Variants in NIPBL observed in about 807,000 individuals in gnomAD.
NIPBL encodes NIPBL cohesin loading factor, also known as nipped-B-like protein.
A neutral mutation model predicts 321.8 loss-of-function variants in NIPBL; 19 were observed. The observed-to-expected ratio is 0.06, with a 90% CI of 0.04 to 0.09. The LOEUF (loss-of-function observed/expected upper bound fraction) is 0.09, where lower values mean the gene tolerates loss of function less well. Ranked by LOEUF, NIPBL falls within the 10% of genes least tolerant of loss-of-function variation. The pLI is 1.00. For missense variants in NIPBL, 2,210 were observed against 3,327.0 expected, an observed-to-expected ratio of 0.66 and a Z score of 8.26; for synonymous variants, 1,106 against 1,114.1, an observed-to-expected ratio of 0.99 and a Z score of 0.14.
At chr5:36,971,102 C>T (rs1449300621) in intron 7 of NIPBL, 66 bp downstream of exon 7, 18 of 1,382,560 alleles carry the variant, frequency 1.3e-5, no homozygotes, top group South Asian at 8.4e-5. Context: ...CCTAGTATTT[C>T]CATTTCAAAA....
At chr5:36,977,586 G>GTT (rs34041883) in intron 9 of NIPBL, among the ~76,000 whole-genome samples, 80 of 148,234 alleles carry the variant, frequency 5.4e-4, no homozygotes, top group Non-Finnish European at 9.4e-4. Flanking sequence ...AGGGAGCTGG[G>GTT]TTTTTTTTTC....
At chr5:37,014,232 GGGAGAGGGAGAA>G (rs1748648587) in intron 21 of NIPBL, among the ~76,000 whole-genome samples, 1 of 144,102 alleles carries the variant, frequency 6.9e-6, no homozygotes, top group African/African-American at 2.5e-5. Flanking sequence ...GAGAGGGAGA[GGGAGAGGGAGAA>G]GGAGAGGGAG....
intron 34 of NIPBL, among the ~76,000 whole-genome samples, chr5:37,039,016 C>T (rs1752033207): frequency 6.6e-6 from 1 of 152,074 alleles, no homozygotes; most frequent in African/African-American, 2.4e-5. Flanking sequence ...AAGCAGAGTT[C>T]CTCTCTTTGA....
At chr5:36,888,039 T>TC (rs1380953119) in intron 1 of NIPBL, among the ~76,000 whole-genome samples, 1 of 152,204 alleles carries the variant, frequency 6.6e-6, no homozygotes, top group South Asian at 2.1e-4. Context: ...TTGTAACACT[T>TC]CCCTGAATTA....
chr5:37,051,770 T>TA lies in NIPBL; in HGVS notation c.6955-8dup, dbSNP rs1482921708. 1 of 1,599,288 alleles carries TA rather than the reference T, an allele frequency of 6.3e-7. No homozygotes were observed. The highest frequency in any genetic ancestry group is 1.3e-5 in the African/African-American group (1 of 74,750). On this transcript the variant is annotated splice_polypyrimidine_tract_variant and intron_variant, in intron 40 of 46. Coordinates refer to ENST00000282516, the MANE Select transcript of NIPBL (RefSeq NM_133433.4). The stretch of plus-strand genomic sequence containing the variant: ...CATGATATCTCGTAATTTTTTTTTT[T>TA]ATTTCCAGTGTGTGCCATATTTAAT...
At chr5:36,946,032 A>G (rs947065933) in intron 1 of NIPBL, among the ~76,000 whole-genome samples, 1 of 152,096 alleles carries the variant, frequency 6.6e-6, no homozygotes, top group African/African-American at 2.4e-5. Flanking sequence ...TAGGTGTTTT[A>G]TAATGTTAAA....
chr5:37,051,407 C>T, intron 40 of NIPBL: 1 of 209,348 alleles, frequency 4.8e-6, no homozygotes, highest in Non-Finnish European at 9.5e-6. Flanking sequence ...TACTGTTTGC[C>T]CTATATTATC....
intron 42 of NIPBL, among the ~76,000 whole-genome samples, chr5:37,055,109 G>A (rs750085085): frequency 6.6e-6 from 1 of 152,186 alleles, no homozygotes; most frequent in Non-Finnish European, 1.5e-5. Flanking sequence ...AGCATTTGGG[G>A]AGGCCGAGGC....
intron 29 of NIPBL, among the ~76,000 whole-genome samples, 183 bp downstream of exon 29, chr5:37,022,573 A>G (rs1315739792): frequency 6.6e-6 from 1 of 152,258 alleles, no homozygotes; most frequent in African/African-American, 2.4e-5. Flanking sequence ...TTGCAATATC[A>G]TAAAACAAAT....
chr5:36,932,731 C>T (rs1749863819), intron 1 of NIPBL, among the ~76,000 whole-genome samples: 1 of 110,858 alleles, frequency 9.0e-6, no homozygotes, highest in Non-Finnish European at 1.9e-5. Context: ...TTACTGCCTT[C>T]TTTTGTGTTA....
At chr5:37,037,733 C>T (rs992199705) in intron 33 of NIPBL, among the ~76,000 whole-genome samples, 7 of 149,994 alleles carry the variant, frequency 4.7e-5, no homozygotes, top group Non-Finnish European at 1.0e-4. Context: ...ACTGATGTCC[C>T]TTAATGTTAA....
chr5:36,948,085 A>C (rs1208484980), intron 1 of NIPBL, among the ~76,000 whole-genome samples: 1 of 151,946 alleles, frequency 6.6e-6, no homozygotes, highest in East Asian at 1.9e-4. Context: ...GCTTTAATTC[A>C]ATGATTCTTT....
In NIPBL at chr5:37,006,105, G is replaced by GA. The variant is rs1747394926; in HGVS notation, c.3856-251dup. Reference sequence around the variant, plus strand: ...GGATAAAGCACACAAAGGATATAAAGATAATTATAACTTTGTCAGTAGGGT... The same window carrying GA: ...GGATAAAGCACACAAAGGATATAAAGAATAATTATAACTTTGTCAGTAGGGT... On this transcript the variant is annotated intron_variant, in intron 16 of 46. Transcript: ENST00000282516. Among the ~76,000 whole-genome samples the GA allele has an allele frequency of 2.6e-5, 4 of 152,112 alleles. No homozygotes were observed. In the South Asian group the frequency reaches 8.3e-4, roughly 32 times the overall value.
chr5:36,909,898 A>T (rs1747917125), intron 1 of NIPBL, among the ~76,000 whole-genome samples: 1 of 152,120 alleles, frequency 6.6e-6, no homozygotes, highest in Non-Finnish European at 1.5e-5. Context: ...CAACGTGGTG[A>T]AACCCCGCCT....
intron 1 of NIPBL, among the ~76,000 whole-genome samples, chr5:36,891,042 G>T (rs1746293038): frequency 6.6e-6 from 1 of 152,154 alleles, no homozygotes; most frequent in Non-Finnish European, 1.5e-5. Context: ...GAGGCGGGCG[G>T]ATCACGAAGT....
In NIPBL at chr5:36,924,789, A is replaced by G. The variant is rs183865288; in HGVS notation, c.-79-28829A>G. 3.9e-5 allele frequency among the ~76,000 whole-genome samples: 6 copies of G among 152,226 alleles called. No individual in the cohort carries two copies. In the East Asian group the frequency reaches 1.2e-3, roughly 29 times the overall value. On this transcript the variant is annotated intron_variant, in intron 1 of 46. Transcript: ENST00000282516. ...AGATTTTTCCTCAGACTCTCATCTC[A>G]CATTCCCTTTTAAGATTTCCTTGTC...
intron 1 of NIPBL, among the ~76,000 whole-genome samples, chr5:36,931,261 T>C (rs1012102328): frequency 6.6e-6 from 1 of 152,124 alleles, no homozygotes; most frequent in Non-Finnish European, 1.5e-5. Flanking sequence ...ATTTCCTTTT[T>C]TTTTAATATA....
At chr5:36,986,464 G>A (rs1744818051) in intron 10 of NIPBL, among the ~76,000 whole-genome samples, 163 bp downstream of exon 10, 2 of 152,126 alleles carry the variant, frequency 1.3e-5, no homozygotes, top group South Asian at 4.1e-4. Context: ...TAGATAAAAA[G>A]TTTCCAGTGA....
intron 42 of NIPBL, among the ~76,000 whole-genome samples, chr5:37,054,232 T>C (rs463041): frequency 0.04 from 6,136 of 151,974 alleles, 416 homozygotes; most frequent in African/African-American, 0.14. Context: ...AGAAATACTT[T>C]AATTACTTGT....
Sources: gnomAD v4.1 joint callset for allele counts (sites outside exome capture counted in the v4.1 genomes callset) on GRCh38, gnomAD v4.1.1 for gene constraint, MANE v1.5 for transcripts, NCBI Gene and HGNC (gene_info 2026-07-23, HGNC 2026-07-21) for gene names.